Variants in FOCAD observed in about 807,000 individuals in gnomAD.
FOCAD encodes focadhesin, also known as KIAA1797.
In FOCAD, 198 loss-of-function variants were observed where a neutral mutation model predicts 225.6. The observed-to-expected ratio is 0.88, with a 90% CI of 0.78 to 0.99. The LOEUF (loss-of-function observed/expected upper bound fraction) is 0.99. FOCAD is among the 50% of genes least tolerant of loss of function. FOCAD has a pLI of 0.00. For missense variants in FOCAD, 2,713 were observed against 2,123.6 expected (o/e 1.28, Z -5.46); for synonymous variants, 897 against 755.0 (o/e 1.19, Z -3.08).
At chr9:20,819,694 C>G (rs1340780055) in intron 11 of FOCAD, 102 bp from the exon 12 acceptor site, 1 of 525,342 alleles carries the variant, frequency 1.9e-6, no homozygotes, top group Non-Finnish European at 3.2e-6. Flanking sequence ...CCAATTCATT[C>G]ATATTCATAT....
chr9:20,707,358 G>A (rs1234599380), intron 1 of FOCAD, among the ~76,000 whole-genome samples: 1 of 151,984 alleles, frequency 6.6e-6, no homozygotes, highest in Admixed American at 6.6e-5. Context: ...GCTCTTTATT[G>A]TTGAAAACTT....
chr9:20,807,344 C>A (rs1822568216), intron 11 of FOCAD, among the ~76,000 whole-genome samples: 2 of 152,268 alleles, frequency 1.3e-5, no homozygotes, highest in Admixed American at 6.5e-5. Flanking sequence ...TGTGCACGCG[C>A]CTGTTTTAAA....
intron 7 of FOCAD, 102 bp downstream of exon 7, chr9:20,765,175 A>C: frequency 3.1e-6 from 3 of 982,800 alleles, no homozygotes; most frequent in Non-Finnish European, 4.4e-6. Context: ...TGGCAAACTC[A>C]GACATGATCC....
chr9:20,986,347 C>G lies in FOCAD; in HGVS notation c.4788C>G (p.Pro1596=), dbSNP rs778713010. Residue 1596 remains proline, a synonymous_variant, in exon 40 of 44, where the codon CCC becomes CCG. Transcript: ENST00000338382. The part of the protein sequence containing the change: ...KLYLVSQGRF[P]LVNLTDMLSV... ...ACTTAGTCTCTCAAGGACGATTCCCCTTGGTGAACCTGACCGATATGCTGA... is the reference window on the plus strand; with the variant it reads ...ACTTAGTCTCTCAAGGACGATTCCCGTTGGTGAACCTGACCGATATGCTGA... 15 of 1,529,798 alleles carry G rather than the reference C, an allele frequency of 9.8e-6. 1 individual carries two copies. The South Asian group carries it at 1.7e-4, about 17-fold the overall frequency. 94.8% of individuals were successfully genotyped at this position (1,529,798 alleles called of 1,614,324 possible). A position where few individuals can be genotyped will look rare whatever the true frequency, so the allele number is the denominator to read the frequency against.
chr9:20,813,096 C>T (rs892149045), intron 11 of FOCAD, among the ~76,000 whole-genome samples: 13 of 152,116 alleles, frequency 8.5e-5, no homozygotes, highest in African/African-American at 2.9e-4. Flanking sequence ...TTAGATACTT[C>T]ATATAAGTGG....
chr9:20,734,541 A>G (rs1382352198), intron 4 of FOCAD, among the ~76,000 whole-genome samples: 1 of 152,228 alleles, frequency 6.6e-6, no homozygotes, highest in Non-Finnish European at 1.5e-5. Flanking sequence ...TAACAGCTGT[A>G]GAGTATTCTG....
At position 20,774,212 on chromosome 9, in the gene FOCAD, C is replaced by G. The variant is rs1005444660; in HGVS notation, c.906+3974C>G. ...CTGGTGCAAAAAAGGCTGGGGACCA[C>G]TGCTTTATGTGTTTCTCTGTTCAAA... On this transcript the variant is annotated intron_variant, in intron 8 of 43. Coordinates refer to ENST00000338382, the MANE Select transcript of FOCAD (RefSeq NM_001375567.1). 2.0e-4 allele frequency among the ~76,000 whole-genome samples: 30 copies of G among 152,292 alleles called. 1 individual carries two copies. The highest frequency in any genetic ancestry group is 7.0e-4 in the African/African-American group (29 of 41,552).
At chr9:20,662,204 ATGTGTG>A (rs3086515) in intron 2 of FOCAD, among the ~76,000 whole-genome samples, 1 of 150,978 alleles carries the variant, frequency 6.6e-6, no homozygotes, top group Non-Finnish European at 1.5e-5. Context: ...GTGTGCATAT[ATGTGTG>A]TGTGTGTGTG....
chr9:20,800,987 G>A (rs201330020), intron 11 of FOCAD, among the ~76,000 whole-genome samples: 2 of 151,958 alleles, frequency 1.3e-5, no homozygotes, highest in African/African-American at 2.4e-5. Flanking sequence ...TTTTATCTAC[G>A]TTAGGTCTTT....
intron 6 of FOCAD, among the ~76,000 whole-genome samples, chr9:20,761,020 T>TGGG (rs146890113): frequency 6.7e-6 from 1 of 149,678 alleles, no homozygotes. Flanking sequence ...CTAGATTTTT[T>TGGG]GGGGGGGGGC....
At chr9:20,790,623 T>G (rs2150999) in intron 11 of FOCAD, among the ~76,000 whole-genome samples, 1 of 151,844 alleles carries the variant, frequency 6.6e-6, no homozygotes, top group African/African-American at 2.4e-5. Flanking sequence ...ATTCAAAAAT[T>G]AGTCGGGTGC....
At chr9:20,730,631 A>G (rs1826607632) in intron 4 of FOCAD, among the ~76,000 whole-genome samples, 1 of 152,190 alleles carries the variant, frequency 6.6e-6, no homozygotes, top group Non-Finnish European at 1.5e-5. Flanking sequence ...ATTTTCATAT[A>G]TAACAAGTGA....
At chr9:20,701,873 G>C (rs971878933) in intron 1 of FOCAD, among the ~76,000 whole-genome samples, 1 of 152,162 alleles carries the variant, frequency 6.6e-6, no homozygotes, top group East Asian at 1.9e-4. Context: ...CTGATAAGCT[G>C]CTTTGGGAAT....
intron 11 of FOCAD, among the ~76,000 whole-genome samples, chr9:20,803,511 G>T (rs1028086755): frequency 6.6e-6 from 1 of 152,118 alleles, no homozygotes; most frequent in Non-Finnish European, 1.5e-5. Context: ...AGAATTTGTT[G>T]AAGTAAAAGA....
At chr9:20,783,036 C>G (rs1819543731) in intron 10 of FOCAD, among the ~76,000 whole-genome samples, 1 of 152,134 alleles carries the variant, frequency 6.6e-6, no homozygotes, top group African/African-American at 2.4e-5. Context: ...TACTTTACCT[C>G]TTGGTTTGCC....
intron 35 of FOCAD, among the ~76,000 whole-genome samples, chr9:20,953,517 G>A (rs1046915143): frequency 1.3e-5 from 2 of 152,058 alleles, no homozygotes; most frequent in African/African-American, 4.8e-5. Flanking sequence ...TTTTTAGTTT[G>A]TGTTCTTTTC....
chr9:20,891,265 G>C (rs1389834070), intron 21 of FOCAD, among the ~76,000 whole-genome samples: 1 of 152,072 alleles, frequency 6.6e-6, no homozygotes, highest in Non-Finnish European at 1.5e-5. Flanking sequence ...TTGAAATTAG[G>C]CCAATTAATA....
intron 21 of FOCAD, among the ~76,000 whole-genome samples, chr9:20,888,839 GCTC>G (rs1831355571): frequency 2.0e-5 from 3 of 152,124 alleles, no homozygotes; most frequent in Middle Eastern, 3.4e-3. Flanking sequence ...GATGTGACTC[GCTC>G]CTCCTTGCTT....
At chr9:20,866,745 G>T (rs1338513049) in intron 17 of FOCAD, among the ~76,000 whole-genome samples, 184 bp from the exon 18 acceptor site, 2 of 151,490 alleles carry the variant, frequency 1.3e-5, no homozygotes, top group Non-Finnish European at 1.5e-5. Flanking sequence ...TTTTGAAATT[G>T]CTAGTAAATA....
Sources: allele counts gnomAD v4.1 joint callset (sites outside exome capture counted in the v4.1 genomes callset), GRCh38; gene constraint gnomAD v4.1.1; transcripts MANE v1.5; gene names NCBI Gene and HGNC (gene_info 2026-07-23, HGNC 2026-07-21).